Variants in SDK2 observed in about 807,000 individuals in gnomAD.
SDK2 encodes sidekick cell adhesion molecule 2.
SDK2 carries 105 observed loss-of-function variants against 253.9 expected under a neutral mutation model. That is an observed-to-expected ratio of 0.41 (90% CI 0.35 to 0.49). The LOEUF is 0.49. SDK2 is among the 20% of genes least tolerant of loss of function. The probability of loss-of-function intolerance (pLI) is 0.06; values close to 1 mark genes in which losing one functional copy is unlikely to be tolerated. For synonymous variants in SDK2, 1,249 were observed against 1,234.9 expected, an observed-to-expected ratio of 1.01 and a Z score of -0.24; for missense variants, 2,608 against 3,003.0, an observed-to-expected ratio of 0.87 and a Z score of 3.07.
intron 34 of SDK2, among the ~76,000 whole-genome samples, chr17:73,380,346 C>T (rs1177291938): frequency 6.6e-6 from 1 of 152,170 alleles, no homozygotes; most frequent in Non-Finnish European, 1.5e-5. Context: ...ACCCTCTTGC[C>T]TAAGGCCCTG....
intron 1 of SDK2, among the ~76,000 whole-genome samples, chr17:73,622,334 T>G (rs536719190): frequency 6.6e-6 from 1 of 152,366 alleles, no homozygotes; most frequent in African/African-American, 2.4e-5. Flanking sequence ...CCCCGTTATC[T>G]GCATGTGCAG....
At chr17:73,343,075 T>G (rs1461349549) in intron 44 of SDK2, among the ~76,000 whole-genome samples, 1 of 152,176 alleles carries the variant, frequency 6.6e-6, no homozygotes, top group African/African-American at 2.4e-5. Context: ...CAGAGGCATG[T>G]CCGGACTGGA....
At chr17:73,468,631 C>T (rs1599595117) in intron 3 of SDK2, among the ~76,000 whole-genome samples, 2 of 152,162 alleles carry the variant, frequency 1.3e-5, no homozygotes, top group East Asian at 3.9e-4. Context: ...CATGCCTCAG[C>T]CTCCCAATTA....
At chr17:73,546,114 G>C (rs2044960658) in intron 1 of SDK2, among the ~76,000 whole-genome samples, 1 of 152,044 alleles carries the variant, frequency 6.6e-6, no homozygotes, top group Non-Finnish European at 1.5e-5. Context: ...GGGGCGGGGG[G>C]TGAGGAGAGG....
At chr17:73,518,744 T>C (rs1346104991) in intron 1 of SDK2, 3 of 152,196 alleles carry the variant, frequency 2.0e-5, no homozygotes, top group Non-Finnish European at 2.9e-5. Flanking sequence ...AAAGTGGCGA[T>C]AATAAAATGT....
intron 18 of SDK2, among the ~76,000 whole-genome samples, chr17:73,406,536 C>T (rs2063080864): frequency 6.6e-6 from 1 of 152,028 alleles, no homozygotes; most frequent in Admixed American, 6.6e-5. Context: ...AGGCGTGAGC[C>T]ACCGCGCCTG....
chr17:73,506,299 G>A (rs1442851234), intron 2 of SDK2, among the ~76,000 whole-genome samples: 7 of 152,162 alleles, frequency 4.6e-5, no homozygotes, highest in African/African-American at 1.7e-4. Flanking sequence ...GCTTCCTGGA[G>A]AACCGGAGGC....
chr17:73,389,892 G>A (rs2062912359), intron 29 of SDK2, among the ~76,000 whole-genome samples: 1 of 152,210 alleles, frequency 6.6e-6, no homozygotes, highest in Non-Finnish European at 1.5e-5. Flanking sequence ...TGGGATTACA[G>A]GTGTGTGCCA....
Position 73,402,215 on chromosome 17 carries a change from G to A in SDK2, c.2485-74C>T. Reference sequence around the variant, plus strand: ...GAGGCCAAGCCCTCTCCCACAGGCTGGGCCAATCAACAGATGGTGTCCGGG... The same window carrying A: ...GAGGCCAAGCCCTCTCCCACAGGCTAGGCCAATCAACAGATGGTGTCCGGG... On this transcript the variant is annotated intron_variant, in intron 18 of 44. Transcript: ENST00000392650. 4 of 1,474,382 alleles carry A rather than the reference G, an allele frequency of 2.7e-6. No individual in the cohort carries two copies. In the South Asian group the frequency reaches 3.8e-5, roughly 14 times the overall value. The allele number at this position is 1,474,382 out of a possible 1,614,324, so 91.3% of individuals were successfully genotyped here.
In SDK2 at chr17:73,352,551, C is replaced by G. The variant is rs142293180; in HGVS notation, c.5680G>C (p.Val1894Leu). Reference sequence around the variant, plus strand: ...GCGATGACCCGGAAGTCATAGCTCACGCCCGGCTTCAGGATGTCCATGCTG... The same window carrying G: ...GCGATGACCCGGAAGTCATAGCTCAGGCCCGGCTTCAGGATGTCCATGCTG... Reference protein sequence around the residue: ...TFSMDILKPGVSYDFRVIAVN... With the variant: ...TFSMDILKPGLSYDFRVIAVN... The change falls in exon 41 of 45, where the codon GTG (valine) becomes CTG (leucine). Residue 1894 changes from valine to leucine, a missense_variant. By Grantham distance (32) the Val-to-Leu change is conservative. Around this residue, in one of 2 missense-constraint regions of SDK2, gnomAD observed 1,103 missense variants for 1,143.9 expected, o/e 0.96. Coordinates refer to ENST00000392650, the MANE Select transcript of SDK2 (RefSeq NM_001144952.2). The surrounding 1 kb of genome is among the most constrained non-coding windows in gnomAD (Gnocchi z 4.1). 4 of 1,614,062 alleles carry G rather than the reference C, an allele frequency of 2.5e-6. No homozygotes were observed. Among genetic ancestry groups the G allele is most frequent in the Non-Finnish European group, 2.5e-6 (3 of 1,179,902 alleles).
Position 73,398,017 on chromosome 17 carries a change from C to A in SDK2, c.3354+18G>T. ...AGCTCATGGAGAGGTCCCACCCCTG[C>A]CCTCGAGGGAGCCTTACCATCCAGC... On this transcript the variant is annotated intron_variant, in intron 24 of 44. Transcript: ENST00000392650. 6.2e-7 allele frequency: 1 copy of A among 1,607,320 alleles called. No homozygotes were observed. Among genetic ancestry groups the A allele is most frequent in the African/African-American group, 1.3e-5 (1 of 75,042 alleles).
chr17:73,463,945 A>G (rs2063581083), intron 3 of SDK2, among the ~76,000 whole-genome samples: 1 of 152,238 alleles, frequency 6.6e-6, no homozygotes, highest in Non-Finnish European at 1.5e-5. Flanking sequence ...CATAAACCCC[A>G]GTTGGTATCA....
intron 1 of SDK2, among the ~76,000 whole-genome samples, chr17:73,566,776 T>A (rs1365212814): frequency 6.6e-6 from 1 of 151,708 alleles, no homozygotes; most frequent in Non-Finnish European, 1.5e-5. Context: ...AAGAAATTTC[T>A]AAACGACAAA....
intron 39 of SDK2, among the ~76,000 whole-genome samples, chr17:73,360,608 T>TG (rs897344744): frequency 1.1e-5 from 1 of 91,626 alleles, no homozygotes; most frequent in Non-Finnish European, 2.1e-5. Flanking sequence ...GGCAAATGCC[T>TG]GGGGGGATGA....
In SDK2 at chr17:73,629,331, A is replaced by T. The variant is rs1300354970; in HGVS notation, c.64+14694T>A. 6.6e-6 allele frequency among the ~76,000 whole-genome samples: 1 copy of T among 152,092 alleles called. No homozygotes were observed. The highest frequency in any genetic ancestry group is 1.5e-5 in the Non-Finnish European group (1 of 68,016). ...TGCCTGTCCCACATGTGCTTAGATG[A>T]TTCACCGTGGTTTAAGCTGCTGTTT... On this transcript the variant is annotated intron_variant, in intron 1 of 44. Transcript: ENST00000392650. This position sits in a 1 kb window ranked among gnomAD's most constrained non-coding sequence, Gnocchi z 5.0.
In SDK2 at chr17:73,469,981, T is replaced by TGCGCGCGC. The variant is rs10622822; in HGVS notation, c.331+2123_331+2130dup. On this transcript the variant is annotated intron_variant, in intron 3 of 44. Transcript: ENST00000392650. Reference sequence around the variant, plus strand: ...TGGCATCCTGAATGGCATTTGCGACTGCGCGCGCGCGCACACACACACACA... The same window carrying TGCGCGCGC: ...TGGCATCCTGAATGGCATTTGCGACTGCGCGCGCGCGCGCGCGCGCACACACACACACA... Among the ~76,000 whole-genome samples, 527 of 129,636 alleles carry TGCGCGCGC rather than the reference T, an allele frequency of 4.1e-3. 5 individuals carry two copies. Among genetic ancestry groups the TGCGCGCGC allele is most frequent in the Non-Finnish European group, 5.6e-3 (347 of 62,460 alleles). 85.0% of individuals were successfully genotyped at this position (129,636 alleles called of 152,430 possible). A position where few individuals can be genotyped will look rare whatever the true frequency, so the allele number is the denominator to read the frequency against.
intron 1 of SDK2, among the ~76,000 whole-genome samples, chr17:73,549,393 A>G (rs1232127964): frequency 6.6e-6 from 1 of 152,128 alleles, no homozygotes; most frequent in Non-Finnish European, 1.5e-5. Context: ...TACCTGATTA[A>G]TTAATTTTCA....
intron 3 of SDK2, among the ~76,000 whole-genome samples, chr17:73,469,023 C>T (rs551738519): frequency 6.6e-6 from 1 of 152,232 alleles, no homozygotes; most frequent in South Asian, 2.1e-4. Context: ...TGGGGTTTCA[C>T]CATGTTAGCC....
chr17:73,389,366 T>C (rs1326783991), intron 29 of SDK2, among the ~76,000 whole-genome samples: 2 of 151,874 alleles, frequency 1.3e-5, no homozygotes, highest in Non-Finnish European at 1.5e-5. Context: ...GTATTTTTAG[T>C]AGGGACGAGG....
Sources: gnomAD v4.1 joint callset for allele counts (sites outside exome capture counted in the v4.1 genomes callset) on GRCh38, gnomAD v4.1.1 for gene constraint, gnomAD v4.1.1 regional missense constraint, Gnocchi (gnomAD v3.1) non-coding constraint, MANE v1.5 for transcripts, NCBI Gene and HGNC (gene_info 2026-07-23, HGNC 2026-07-21) for gene names.